Variants in DUOX2 observed in about 807,000 individuals in gnomAD.
DUOX2 encodes NADH/NADPH thyroid oxidase p138-tox.
DUOX2 carries 185 observed loss-of-function variants against 183.3 expected under a neutral mutation model. That is an observed-to-expected ratio of 1.01 (90% CI 0.90 to 1.14). The LOEUF (loss-of-function observed/expected upper bound fraction) is 1.14, where lower values mean the gene tolerates loss of function less well. Ranked by LOEUF, DUOX2 falls within the 50% of genes most tolerant of loss-of-function variation. The pLI, the probability that DUOX2 is intolerant of heterozygous loss-of-function variation, is 0.00. For synonymous variants in DUOX2, 788 were observed against 812.4 expected (o/e 0.97, Z 0.51); for missense variants, 1,999 against 2,022.9 (o/e 0.99, Z 0.23).
In DUOX2 at chr15:45,108,177, G is replaced by C. The variant is rs1483855028; in HGVS notation, c.1444C>G (p.Leu482Val). The C allele has an allele frequency of 6.2e-7, 1 of 1,614,216 alleles. No individual in the cohort carries two copies. Among genetic ancestry groups the C allele is most frequent in the Non-Finnish European group, 8.5e-7 (1 of 1,180,032 alleles). ...AGGAGCCCCCCAAGGAGCAGCTCTA[G>C]CTGGGATAGGTCCTGGTTGTACAGG... is the stretch of plus-strand genomic sequence containing the variant. ...AALYNQDLSQLELLLGGLLES... is the reference protein window; with the variant it reads ...AALYNQDLSQVELLLGGLLES... Residue 482 changes from leucine to valine, a missense_variant, in exon 13 of 34, where the codon CTA becomes GTA. Leu to Val is a conservative substitution (Grantham distance 32, BLOSUM62 1). Around this residue, in one of 3 missense-constraint regions of DUOX2, gnomAD observed 1,628 missense variants for 1,608.6 expected, o/e 1.01. Transcript: ENST00000389039.
chr15:45,097,111 TG>T, intron 29 of DUOX2, 126 bp downstream of exon 29: 1 of 1,441,978 alleles, frequency 6.9e-7, no homozygotes, highest in East Asian at 2.3e-5. Context: ...AGTGGTTTTT[TG>T]TTGTTGTTGT....
intron 21 of DUOX2, 51 bp from the exon 22 acceptor site, chr15:45,101,325 G>A (rs1894076548): frequency 1.3e-6 from 2 of 1,518,262 alleles, no homozygotes; most frequent in South Asian, 2.3e-5. Context: ...GGGCAGTGGG[G>A]TAGGATGGGA....
intron 3 of DUOX2, 75 bp downstream of exon 3, chr15:45,112,912 T>TCCCCG: frequency 6.4e-7 from 1 of 1,574,648 alleles, no homozygotes; most frequent in Non-Finnish European, 8.7e-7. Context: ...CCCCGCAGAT[T>TCCCCG]CCCCGCTCAG....
At position 45,103,961 on chromosome 15, in the gene DUOX2, G is replaced by A. The variant is rs199589510; in HGVS notation, c.2653C>T (p.Arg885Ter). Residue 885 changes from arginine (R) to a stop codon, truncating the protein, a stop_gained and splice_region_variant, in exon 20 of 34, where the codon CGA becomes TGA. Transcript: ENST00000389039. LOFTEE classifies it high-confidence loss of function. ...LSKDEFFTMM[R>*]SFIEISNNCL... Reference sequence around the variant, plus strand: ...GGATTAGAAAGGCACACCCCATACCGCATCATGGTGAAGAATTCGTCCTTG... The same window carrying A: ...GGATTAGAAAGGCACACCCCATACCACATCATGGTGAAGAATTCGTCCTTG... 2.7e-5 allele frequency: 44 copies of A among 1,613,974 alleles called. No individual in the cohort carries two copies. The highest frequency in any genetic ancestry group is 1.3e-4 in the African/African-American group (10 of 74,988).
At position 45,094,649 on chromosome 15, in the gene DUOX2, G is replaced by T; in HGVS notation, c.4438C>A (p.Leu1480Met). 2.5e-6 allele frequency: 4 copies of T among 1,614,186 alleles called. No individual in the cohort carries two copies. Among genetic ancestry groups the T allele is most frequent in the Middle Eastern group, 1.6e-4 (1 of 6,062 alleles). ...RHFQKVLNRS[L>M]FTGLRSITHF... ...GTGATGGAGCGCAGGCCCGTGAACA[G>T]ACTCCGGTTCAGCACTTTCTGGAAG... The change falls in exon 33 of 34, where the codon CTG (leucine) becomes ATG (methionine). Residue 1480 changes from leucine (L) to methionine (M), a missense_variant. This residue lies in a region of DUOX2 where 1,628 missense variants were observed against 1,608.6 expected (regional missense o/e 1.01). Coordinates refer to ENST00000389039, the MANE Select transcript of DUOX2 (RefSeq NM_001363711.2).
intron 31 of DUOX2, 97 bp from the exon 32 acceptor site, chr15:45,095,188 T>C: frequency 6.6e-7 from 1 of 1,503,840 alleles, no homozygotes; most frequent in Non-Finnish European, 8.9e-7. Context: ...CCAGACCACC[T>C]GCAGACACCA....
At position 45,105,832 on chromosome 15, in the gene DUOX2, G is replaced by C. The variant is rs765519601; in HGVS notation, c.2149-4C>G. On this transcript the variant is annotated splice_region_variant and splice_polypyrimidine_tract_variant and intron_variant, in intron 17 of 33. Transcript: ENST00000389039. ...CTTCAGAACTAAACAGCAGCACCTGGGTGGGAGGAAGGCGGCACTGACGCA... is the reference window on the plus strand; with the variant it reads ...CTTCAGAACTAAACAGCAGCACCTGCGTGGGAGGAAGGCGGCACTGACGCA... The C allele has an allele frequency of 6.2e-7, 1 of 1,613,984 alleles. No homozygotes were observed. Among genetic ancestry groups the C allele is most frequent in the Non-Finnish European group, 8.5e-7 (1 of 1,179,988 alleles).
Position 45,098,030 on chromosome 15 carries a change from A to G in DUOX2, c.3544T>C (p.Trp1182Arg), listed in dbSNP as rs1481335565. ...CTACCTGGGACGGTCTGGAAGAACC[A>G]CCAATAGAACTTCTGGGGAAGCTTG... ...GSKLPQKFYWWFFQTVPGMTG... is the reference protein window; with the variant it reads ...GSKLPQKFYWRFFQTVPGMTG... Residue 1182 changes from tryptophan to arginine, a missense_variant, in exon 27 of 34, where the codon TGG (tryptophan) becomes CGG (arginine). By Grantham distance (101) the Trp-to-Arg change is moderately radical. Around this residue, in one of 3 missense-constraint regions of DUOX2, gnomAD observed 1,628 missense variants for 1,608.6 expected, o/e 1.01. Transcript: ENST00000389039. The G allele has an allele frequency of 1.2e-6, 2 of 1,613,980 alleles. No homozygotes were observed. Among genetic ancestry groups the G allele is most frequent in the East Asian group, 2.2e-5 (1 of 44,892 alleles).
In DUOX2 at chr15:45,109,267, G is replaced by A. The variant is rs928907594; in HGVS notation, c.1234+257C>T. ...TGAAAACCTTTAGAGACCTAATTAA[G>A]CACCAAAGAGATTGTGGTACCACCC... On this transcript the variant is annotated intron_variant, in intron 11 of 33. Coordinates refer to ENST00000389039, the MANE Select transcript of DUOX2 (RefSeq NM_001363711.2). The A allele has an allele frequency of 1.3e-5, 8 of 595,922 alleles. No individual in the cohort carries two copies. The Admixed American group carries it at 2.4e-4, about 18-fold the overall frequency. 36.9% of individuals were successfully genotyped at this position (595,922 alleles called of 1,614,324 possible).
chr15:45,108,849 CA>C lies in DUOX2; in HGVS notation c.1337del (p.Leu446ArgfsTer37). The C allele has an allele frequency of 6.2e-7, 1 of 1,614,240 alleles. No individual in the cohort carries two copies. Among genetic ancestry groups the C allele is most frequent in the Non-Finnish European group, 8.5e-7 (1 of 1,180,044 alleles). On this transcript the variant is annotated frameshift_variant, in exon 12 of 34. Transcript: ENST00000389039. LOFTEE classifies it high-confidence loss of function. ...TCCTTGGGATGTCCAGCCCAAAGGC[CA>C]GCAGGGCCTGGCTATAGCTGGGCAG... ...MGLPSYSQAL[L>X]AFGLDIPRNW... is the part of the protein sequence containing the mutation.
chr15:45,109,158 C>G lies in DUOX2; in HGVS notation c.1235-206G>C, dbSNP rs1894311539. The G allele has an allele frequency of 2.2e-5, 15 of 676,186 alleles. No homozygotes were observed. The South Asian group carries it at 2.6e-4, about 12-fold the overall frequency. 41.9% of individuals were successfully genotyped at this position (676,186 alleles called of 1,614,324 possible). ...CAGAGCCAGTTTTTCCAGTAAGACC[C>G]TTCCTCTAAGACTCAAGACTGTTCT... On this transcript the variant is annotated intron_variant, in intron 11 of 33. Coordinates refer to ENST00000389039, the MANE Select transcript of DUOX2 (RefSeq NM_001363711.2).
rs199957468 is a variant in DUOX2 at position 45,111,769 on chromosome 15, A to C, written c.512T>G (p.Leu171Arg). Residue 171 changes from leucine to arginine, a missense_variant and splice_region_variant, in exon 5 of 34, where the codon CTG becomes CGG. Physicochemically the swap from Leu to Arg is moderately radical, Grantham distance 102 (BLOSUM62 -2). Coordinates refer to ENST00000389039, the MANE Select transcript of DUOX2 (RefSeq NM_001363711.2). The part of the protein sequence containing the change: ...TGRSPSNPRD[L>R]ANQVTGWLDG... ...TTCCCGCCGCCTTCCCCGCCTCACC[A>C]GGTCCCGGGGGTTGCTGGGACTCCG... 1 of 1,595,002 alleles carries C rather than the reference A, an allele frequency of 6.3e-7. No homozygotes were observed. The highest frequency in any genetic ancestry group is 1.4e-5 in the African/African-American group (1 of 73,640).
intron 20 of DUOX2, among the ~76,000 whole-genome samples, chr15:45,103,146 G>T (rs1166560702): frequency 6.6e-6 from 1 of 152,226 alleles, no homozygotes; most frequent in Admixed American, 6.5e-5. Context: ...CCCTTGTCCA[G>T]TTGGGGTATC....
Position 45,110,027 on chromosome 15 carries a change from C to A in DUOX2, c.1041-47G>T, listed in dbSNP as rs1360298580. The A allele has an allele frequency of 3.2e-6, 5 of 1,582,740 alleles. No individual in the cohort carries two copies. The South Asian group carries it at 4.4e-5, about 14-fold the overall frequency. ...GTGGTGAGGGAATTTGGAGAAGAAT[C>A]AAAGATGGGGTTGAGTGGGCTGAGG... On this transcript the variant is annotated intron_variant, in intron 9 of 33. Coordinates refer to ENST00000389039, the MANE Select transcript of DUOX2 (RefSeq NM_001363711.2).
In DUOX2 at chr15:45,095,111, G is replaced by A; in HGVS notation, c.4240-20C>T. ...GTAGATCTGGGGACACAGGGCTGGA[G>A]ATCAGGACCCAGCTCAGTTCAGCCT... On this transcript the variant is annotated intron_variant, in intron 31 of 33. Coordinates refer to ENST00000389039, the MANE Select transcript of DUOX2 (RefSeq NM_001363711.2). The A allele has an allele frequency of 1.9e-6, 3 of 1,611,060 alleles. No homozygotes were observed. The highest frequency in any genetic ancestry group is 2.5e-6 in the Non-Finnish European group (3 of 1,178,970).
chr15:45,099,285 C>T (rs1348477410), intron 26 of DUOX2, 98 bp downstream of exon 26: 4 of 1,056,146 alleles, frequency 3.8e-6, no homozygotes, highest in South Asian at 2.7e-5. Flanking sequence ...GCTGGGATTA[C>T]AGGCGTGAGC....
intron 10 of DUOX2, 119 bp downstream of exon 10, chr15:45,109,771 C>G: frequency 1.5e-6 from 2 of 1,302,198 alleles, no homozygotes; most frequent in Non-Finnish European, 2.2e-6. Flanking sequence ...TTTCCTCTAC[C>G]CTTCATCTCC....
chr15:45,105,782 T>G lies in DUOX2; in HGVS notation c.2195A>C (p.Gln732Pro). 1 of 1,614,230 alleles carries G rather than the reference T, an allele frequency of 6.2e-7. No homozygotes were observed. The highest frequency in any genetic ancestry group is 1.7e-5 in the Admixed American group (1 of 60,036). The stretch of plus-strand genomic sequence containing the variant: ...CCAGCGCACGCAGAAGTCCCATAGC[T>G]GCTGCACAAAGGCGCCCCGTTCCTC... Reference protein sequence around the residue: ...SEEERGAFVQQLWDFCVRWAL... With the variant: ...SEEERGAFVQPLWDFCVRWAL... Residue 732 changes from glutamine (Q) to proline (P), a missense_variant, in exon 18 of 34, where the codon CAG becomes CCG. Transcript: ENST00000389039.
chr15:45,101,135 G>A (rs1894070678), intron 22 of DUOX2, 70 bp downstream of exon 22: 12 of 1,413,550 alleles, frequency 8.5e-6, no homozygotes, highest in Non-Finnish European at 1.2e-5. Context: ...TGATCAGCCA[G>A]TCCTACTCCC....
Sources: gnomAD v4.1 joint callset for allele counts (sites outside exome capture counted in the v4.1 genomes callset) on GRCh38, gnomAD v4.1.1 for gene constraint, gnomAD v4.1.1 regional missense constraint, MANE v1.5 for transcripts, NCBI Gene and HGNC (gene_info 2026-07-23, HGNC 2026-07-21) for gene names.